The following TRIM9 variants were observed in gnomAD, a reference collection of about 807,000 sequenced individuals.
The protein encoded by TRIM9 is E3 ubiquitin-protein ligase TRIM9.
TRIM9 carries 26 observed loss-of-function variants against 78.3 expected under a neutral mutation model. The observed-to-expected ratio is 0.33, with a 90% confidence interval of 0.24 to 0.46. The LOEUF is 0.46. Among genes scored for constraint, TRIM9 ranks in the 20% least tolerant of loss-of-function variants. The pLI is 1.00. For missense variants in TRIM9, 787 were observed against 1,036.4 expected (o/e 0.76, Z 3.30); for synonymous variants, 398 against 416.5 (o/e 0.96, Z 0.54).
intron 1 of TRIM9, 35 bp from the exon 2 acceptor site, chr14:51,025,395 AT>A: frequency 7.0e-7 from 1 of 1,436,768 alleles, no homozygotes; most frequent in Non-Finnish European, 9.6e-7. Context: ...TGGAGCTGTA[AT>A]CACAGGATAC....
rs2056233026 is a variant in TRIM9, at chr14:51,009,081, T to C, written c.1305A>G (p.Lys435=). 1.2e-6 allele frequency: 2 copies of C among 1,613,662 alleles called. No homozygotes were observed. Among genetic ancestry groups the C allele is most frequent in the Admixed American group, 3.3e-5 (2 of 59,994 alleles). Residue 435 remains lysine (K), a splice_region_variant and synonymous_variant, in exon 5 of 13, where the codon AAA becomes AAG. Transcript: ENST00000684578. Reference sequence around the variant, plus strand: ...GACTTGGGGGATGCAAGGACATACCTTTCACTTGCACGAAATCCAGCTGGT... The same window carrying C: ...GACTTGGGGGATGCAAGGACATACCCTTCACTTGCACGAAATCCAGCTGGT... ...SIHQLDFVQV[K]ASSPVPATPI...
intron 1 of TRIM9, among the ~76,000 whole-genome samples, chr14:51,062,087 A>G (rs1191791982): frequency 6.8e-6 from 1 of 146,222 alleles, no homozygotes; most frequent in Non-Finnish European, 1.5e-5. Flanking sequence ...GTCTGTTATT[A>G]AGTCCAATAA....
intron 7 of TRIM9, among the ~76,000 whole-genome samples, chr14:50,991,453 G>A (rs1011098859): frequency 2.6e-5 from 4 of 152,164 alleles, no homozygotes; most frequent in African/African-American, 9.7e-5. Flanking sequence ...TACCTACCTT[G>A]AGAACTTTGT....
intron 3 of TRIM9, among the ~76,000 whole-genome samples, chr14:51,015,425 A>C (rs143237480): frequency 1.3e-3 from 166 of 131,832 alleles, no homozygotes; most frequent in African/African-American, 4.7e-3. Flanking sequence ...ACCTCCATTT[A>C]CCTCTCCATT....
Position 51,094,532 on chromosome 14 carries a change from G to A in TRIM9, c.408C>T (p.Ile136=), listed in dbSNP as rs1024343150. 4.3e-6 allele frequency: 7 copies of A among 1,613,374 alleles called. No individual in the cohort carries two copies. Among genetic ancestry groups the A allele is most frequent in the Middle Eastern group, 1.6e-4 (1 of 6,082 alleles). ...ITCPQCHRSL[I]LDDRGLRGFP... The stretch of plus-strand genomic sequence containing the variant: ...AGCCGCGGAGCCCCCGGTCATCCAG[G>A]ATGAGGCTGCGGTGACACTGGGGGC... Residue 136 remains isoleucine, a synonymous_variant, in exon 1 of 13, where the codon ATC becomes ATT. Transcript: ENST00000684578.
intron 5 of TRIM9, among the ~76,000 whole-genome samples, chr14:51,001,811 C>T (rs930697576): frequency 4.6e-5 from 7 of 152,174 alleles, no homozygotes; most frequent in Non-Finnish European, 1.0e-4. Context: ...ACCTCGAAAA[C>T]AGCACTAGGT....
At chr14:51,063,200 T>C (rs2061482657) in intron 1 of TRIM9, among the ~76,000 whole-genome samples, 1 of 152,106 alleles carries the variant, frequency 6.6e-6, no homozygotes. Flanking sequence ...AACAGAAAAG[T>C]ATATTTATAA....
chr14:51,026,108 C>T (rs141305560), intron 1 of TRIM9, among the ~76,000 whole-genome samples: 217 of 152,284 alleles, frequency 1.4e-3, no homozygotes, highest in African/African-American at 3.7e-3. Context: ...TCCTGACGGA[C>T]GACACCTAAG....
At chr14:50,977,498 CAAG>C (rs1191593782) in intron 12 of TRIM9, 145 bp from the exon 13 acceptor site, 1 of 522,242 alleles carries the variant, frequency 1.9e-6, no homozygotes, top group Admixed American at 4.4e-5. Flanking sequence ...AAACGGAATT[CAAG>C]AAGAATCCTG....
At chr14:51,074,090 T>C (rs1050744312) in intron 1 of TRIM9, among the ~76,000 whole-genome samples, 2 of 152,060 alleles carry the variant, frequency 1.3e-5, no homozygotes, top group Non-Finnish European at 2.9e-5. Context: ...TGAATAATAG[T>C]AATGATCATA....
chr14:51,002,233 T>C (rs2055157893), intron 5 of TRIM9, among the ~76,000 whole-genome samples: 1 of 152,026 alleles, frequency 6.6e-6, no homozygotes, highest in African/African-American at 2.4e-5. Context: ...ACTATTCTCC[T>C]GTCTCAGCCT....
intron 1 of TRIM9, among the ~76,000 whole-genome samples, chr14:51,075,355 GT>G (rs1213449271): frequency 2.0e-5 from 3 of 151,804 alleles, no homozygotes; most frequent in Non-Finnish European, 4.4e-5. Context: ...CTTGTTTATT[GT>G]TTTTTTCTTT....
At chr14:51,020,251 AG>A (rs1391843151) in intron 3 of TRIM9, among the ~76,000 whole-genome samples, 1 of 152,166 alleles carries the variant, frequency 6.6e-6, no homozygotes, top group Non-Finnish European at 1.5e-5. Flanking sequence ...GTGACAAGAA[AG>A]GGAAAAGGCA....
At position 50,986,040 on chromosome 14, in the gene TRIM9, A is replaced by G; in HGVS notation, c.1708T>C (p.Phe570Leu). The G allele has an allele frequency of 6.5e-7, 1 of 1,549,938 alleles. No homozygotes were observed. Among genetic ancestry groups the G allele is most frequent in the Non-Finnish European group, 8.7e-7 (1 of 1,146,648 alleles). The change falls in exon 8 of 13, where the codon TTC becomes CTC. Residue 570 changes from phenylalanine to leucine, a missense_variant. Coordinates refer to ENST00000684578, the MANE Select transcript of TRIM9 (RefSeq NM_001387360.1). ...FSSTLNLQPS[F>L]PGRSYFDFRS... ...AAATCAAAGTAGGATCTCCCGGGGA[A>G]GCTGGGTTGTAGATTAAGGGTGGAG...
intron 10 of TRIM9, chr14:50,982,320 T>G: frequency 1.7e-6 from 1 of 588,130 alleles, no homozygotes; most frequent in Non-Finnish European, 3.0e-6. Context: ...CAGCAGGGGT[T>G]ACCTGGCTCA....
intron 1 of TRIM9, among the ~76,000 whole-genome samples, chr14:51,051,950 G>A (rs1296951575): frequency 2.1e-5 from 3 of 146,080 alleles, no homozygotes; most frequent in Admixed American, 6.9e-5. Context: ...CTAGGCAACA[G>A]AGACCCTGTC....
chr14:51,069,262 G>A (rs565232853), intron 1 of TRIM9, among the ~76,000 whole-genome samples: 7 of 152,146 alleles, frequency 4.6e-5, no homozygotes, highest in South Asian at 2.1e-4. Context: ...GAGTCATAAG[G>A]TGCCCTTAAG....
chr14:51,055,970 T>A (rs899683155), intron 1 of TRIM9, among the ~76,000 whole-genome samples: 1 of 152,238 alleles, frequency 6.6e-6, no homozygotes, highest in African/African-American at 2.4e-5. Flanking sequence ...AGTATAATGA[T>A]GCAATCCTCT....
intron 1 of TRIM9, among the ~76,000 whole-genome samples, chr14:51,059,111 T>G (rs2061130939): frequency 6.6e-6 from 1 of 152,184 alleles, no homozygotes; most frequent in Non-Finnish European, 1.5e-5. Context: ...CTTCCCTGCT[T>G]TGCCCACCTC....
Sources: allele counts gnomAD v4.1 joint callset (sites outside exome capture counted in the v4.1 genomes callset), GRCh38; gene constraint gnomAD v4.1.1; transcripts MANE v1.5; gene names NCBI Gene and HGNC (gene_info 2026-07-23, HGNC 2026-07-21).